SUSD6: variants seen among roughly 807,000 people sequenced by gnomAD.
The protein encoded by SUSD6 is sushi domain containing 6.
A neutral mutation model predicts 28.4 loss-of-function variants in SUSD6; 16 were observed. The ratio of observed to expected loss-of-function variants is 0.56; its 90% CI spans 0.38 to 0.86. The LOEUF is 0.86. Ranked by LOEUF, SUSD6 falls within the 40% of genes least tolerant of loss-of-function variation. The pLI is 0.00. For synonymous variants in SUSD6, 147 were observed against 159.6 expected, an observed-to-expected ratio of 0.92 and a Z score of 0.59; for missense variants, 341 against 384.2, an observed-to-expected ratio of 0.89 and a Z score of 0.94.
rs185797478 is a variant in SUSD6 at position 69,628,468 on chromosome 14, G to A, written c.-81+16640G>A. Among the ~76,000 whole-genome samples, 180 of 152,274 alleles carry A rather than the reference G, an allele frequency of 1.2e-3. 1 individual carries two copies. The highest frequency in any genetic ancestry group is 5.0e-4 in the Non-Finnish European group (34 of 68,024). ...GGGTTAAGACATCTGTATTTAGCAG[G>A]TATTATACCTAGAAGGAGTGTCTAT... On this transcript the variant is annotated intron_variant, in intron 1 of 5. Coordinates refer to ENST00000342745, the MANE Select transcript of SUSD6 (RefSeq NM_014734.4).
chr14:69,678,883 TA>T (rs1885956885), intron 2 of SUSD6, among the ~76,000 whole-genome samples: 1 of 152,216 alleles, frequency 6.6e-6, no homozygotes, highest in Non-Finnish European at 1.5e-5. Context: ...GCATGTGTCC[TA>T]AGCATGTGTG....
chr14:69,625,465 CCTT>C (rs1885100311), intron 1 of SUSD6, among the ~76,000 whole-genome samples: 1 of 152,146 alleles, frequency 6.6e-6, no homozygotes, highest in South Asian at 2.1e-4. Context: ...TACATGGTCT[CCTT>C]CATGTTTCAG....
At chr14:69,679,509 C>T (rs1381237321) in intron 2 of SUSD6, among the ~76,000 whole-genome samples, 2 of 151,850 alleles carry the variant, frequency 1.3e-5, no homozygotes, top group African/African-American at 2.4e-5. Flanking sequence ...GTTCAACCCA[C>T]GGCCCATGGG....
At chr14:69,707,334 A>G (rs915475310) in intron 4 of SUSD6, among the ~76,000 whole-genome samples, 2 of 152,226 alleles carry the variant, frequency 1.3e-5, no homozygotes, top group Non-Finnish European at 2.9e-5. Context: ...GTTTATGTGT[A>G]TAACAAAAGT....
At chr14:69,636,632 T>G (rs1484935514) in intron 1 of SUSD6, among the ~76,000 whole-genome samples, 2 of 152,250 alleles carry the variant, frequency 1.3e-5, no homozygotes, top group East Asian at 3.8e-4. Context: ...TCTGCCTCCT[T>G]TCCAGAAGAG....
At chr14:69,671,019 T>C (rs1885823940) in intron 2 of SUSD6, among the ~76,000 whole-genome samples, 3 of 152,224 alleles carry the variant, frequency 2.0e-5, no homozygotes, top group East Asian at 3.9e-4. Context: ...AACCTTAGCC[T>C]AAGAATTCAG....
Position 69,668,535 on chromosome 14 carries a change from T to C in SUSD6, c.121+9822T>C, listed in dbSNP as rs141494946. Among the ~76,000 whole-genome samples, 458 of 151,394 alleles carry C rather than the reference T, an allele frequency of 3.0e-3. 4 individuals carry two copies. The highest frequency in any genetic ancestry group is 0.011 in the African/African-American group (441 of 41,204). On this transcript the variant is annotated intron_variant, in intron 2 of 5. Coordinates refer to ENST00000342745, the MANE Select transcript of SUSD6 (RefSeq NM_014734.4). ...CTGTAATCCCAGCTACTTGGGAGGC[T>C]GAGGCAGGAAAATCGCTTGAACCTG... is the stretch of plus-strand genomic sequence containing the variant.
At chr14:69,612,916 C>T (rs1210902269) in intron 1 of SUSD6, among the ~76,000 whole-genome samples, 2 of 152,176 alleles carry the variant, frequency 1.3e-5, no homozygotes, top group African/African-American at 4.8e-5. Context: ...TAAAAACATA[C>T]ATAGGAGTTA....
chr14:69,692,183 T>G (rs779284153), intron 2 of SUSD6, among the ~76,000 whole-genome samples: 2 of 152,220 alleles, frequency 1.3e-5, no homozygotes, highest in Non-Finnish European at 2.9e-5. Context: ...CTGTCCTGCC[T>G]TTTCCCTCCA....
At chr14:69,653,437 G>C (rs1303246437) in intron 1 of SUSD6, among the ~76,000 whole-genome samples, 1 of 152,216 alleles carries the variant, frequency 6.6e-6, no homozygotes, top group Non-Finnish European at 1.5e-5. Context: ...GCCTTTTTCA[G>C]ATGTGGAAAC....
At chr14:69,672,270 C>T (rs900353923) in intron 2 of SUSD6, among the ~76,000 whole-genome samples, 1 of 152,082 alleles carries the variant, frequency 6.6e-6, no homozygotes, top group Non-Finnish European at 1.5e-5. Context: ...TGCCTCATTC[C>T]TGGGAATAAA....
intron 1 of SUSD6, among the ~76,000 whole-genome samples, chr14:69,656,332 C>T (rs1345458005): frequency 1.3e-5 from 2 of 152,172 alleles, no homozygotes; most frequent in Non-Finnish European, 2.9e-5. Context: ...ATTTTTTATA[C>T]ACGTGCTGTG....
intron 2 of SUSD6, among the ~76,000 whole-genome samples, chr14:69,673,650 C>T (rs1046914884): frequency 6.6e-6 from 1 of 152,144 alleles, no homozygotes; most frequent in South Asian, 2.1e-4. Context: ...CAGCAAGGAG[C>T]CAGACCTGGT....
rs555044836 is a variant in SUSD6, at chr14:69,699,469, G to C, written c.122-3926G>C. On this transcript the variant is annotated intron_variant, in intron 2 of 5. Transcript: ENST00000342745. Reference sequence around the variant, plus strand: ...TCCGCCCACCTTGACCTCCCAAAGCGCTGGGATTGTAGGCGTGAGCCACTG... The same window carrying C: ...TCCGCCCACCTTGACCTCCCAAAGCCCTGGGATTGTAGGCGTGAGCCACTG... Among the ~76,000 whole-genome samples the C allele has an allele frequency of 7.8e-4, 119 of 151,736 alleles. 2 individuals are homozygous for C. The Middle Eastern group carries it at 0.045, about 57-fold the overall frequency.
At chr14:69,612,789 A>G (rs1159102076) in intron 1 of SUSD6, among the ~76,000 whole-genome samples, 2 of 152,088 alleles carry the variant, frequency 1.3e-5, no homozygotes, top group Non-Finnish European at 2.9e-5. Flanking sequence ...GTGCAGTAAG[A>G]TTACTCAGTT....
intron 1 of SUSD6, among the ~76,000 whole-genome samples, chr14:69,649,345 C>G (rs1232915692): frequency 6.6e-6 from 1 of 152,124 alleles, no homozygotes; most frequent in East Asian, 1.9e-4. Context: ...TATTTGCCAA[C>G]TGGGTATTGA....
chr14:69,671,409 C>T (rs1433820631), intron 2 of SUSD6, among the ~76,000 whole-genome samples: 1 of 152,194 alleles, frequency 6.6e-6, no homozygotes, highest in East Asian at 1.9e-4. Context: ...GAAGAGGTCA[C>T]TCAGGACAGG....
At chr14:69,683,813 A>G (rs189211819) in intron 2 of SUSD6, among the ~76,000 whole-genome samples, 1 of 152,344 alleles carries the variant, frequency 6.6e-6, no homozygotes, top group East Asian at 1.9e-4. Flanking sequence ...AAATTATAGT[A>G]TGCCTCCAGG....
chr14:69,638,201 C>A (rs1885292717), intron 1 of SUSD6, among the ~76,000 whole-genome samples: 1 of 152,126 alleles, frequency 6.6e-6, no homozygotes, highest in South Asian at 2.1e-4. Flanking sequence ...AGAGTTTATA[C>A]CTTTCTGTTT....
Sources: allele counts gnomAD v4.1 joint callset (sites outside exome capture counted in the v4.1 genomes callset), GRCh38; gene constraint gnomAD v4.1.1; transcripts MANE v1.5; gene names NCBI Gene and HGNC (gene_info 2026-07-23, HGNC 2026-07-21).